The following TMEM50B variants were observed in gnomAD, a reference collection of about 807,000 sequenced individuals.
TMEM50B encodes transmembrane protein 50B, also known as HCV p7-trans-regulated protein 3.
A neutral mutation model predicts 23.4 loss-of-function variants in TMEM50B; 14 were observed. The ratio of observed to expected loss-of-function variants is 0.60; its 90% CI spans 0.39 to 0.93. TMEM50B has a LOEUF of 0.93. TMEM50B is among the 40% of genes least tolerant of loss of function. TMEM50B has a pLI of 0.00. For missense variants in TMEM50B, 159 were observed against 193.0 expected, an observed-to-expected ratio of 0.82 and a Z score of 1.04; for synonymous variants, 64 against 62.3, an observed-to-expected ratio of 1.03 and a Z score of -0.13.
chr21:33,455,819 T>C (rs930270430), intron 5 of TMEM50B, 35 bp from the exon 6 acceptor site: 31 of 1,512,530 alleles, frequency 2.0e-5, no homozygotes, highest in Non-Finnish European at 2.8e-5. Context: ...TAGACGGTTA[T>C]ATAGGCAAAC....
intron 5 of TMEM50B, 30 bp downstream of exon 5, chr21:33,460,383 C>T: frequency 7.3e-7 from 1 of 1,372,734 alleles, no homozygotes; most frequent in Non-Finnish European, 1.0e-6. Context: ...TGAATCTCTC[C>T]TATAAAATAC....
chr21:33,462,267 C>A (rs1457919943), intron 4 of TMEM50B, among the ~76,000 whole-genome samples: 1 of 152,094 alleles, frequency 6.6e-6, no homozygotes, highest in Non-Finnish European at 1.5e-5. Context: ...AATACCTGGG[C>A]ATGACTATAA....
chr21:33,434,670 TAGC>T (rs1448376937), intron 8 of TMEM50B, among the ~76,000 whole-genome samples: 2 of 152,138 alleles, frequency 1.3e-5, no homozygotes, highest in African/African-American at 2.4e-5. Flanking sequence ...TGCAGAAACA[TAGC>T]AGCACTTTCA....
chr21:33,434,246 G>A (rs2083920703), intron 8 of TMEM50B, among the ~76,000 whole-genome samples: 1 of 152,178 alleles, frequency 6.6e-6, no homozygotes, highest in South Asian at 2.1e-4. Context: ...TTGCAGCCGG[G>A]CGCAGTGACC....
intron 1 of TMEM50B, among the ~76,000 whole-genome samples, chr21:33,471,987 G>C (rs1480349338): frequency 6.7e-6 from 1 of 149,532 alleles, no homozygotes; most frequent in African/African-American, 2.5e-5. Flanking sequence ...AGCCGAGATG[G>C]CACCACTGCA....
intron 6 of TMEM50B, among the ~76,000 whole-genome samples, chr21:33,451,953 T>C (rs1162916893): frequency 1.3e-5 from 2 of 152,106 alleles, no homozygotes; most frequent in Non-Finnish European, 2.9e-5. Context: ...CCCCAGAGCT[T>C]AGAACAGGTC....
At chr21:33,477,857 C>T (rs2084388369) in intron 1 of TMEM50B, among the ~76,000 whole-genome samples, 2 of 145,432 alleles carry the variant, frequency 1.4e-5, no homozygotes, top group Admixed American at 6.9e-5. Context: ...AACTTTAGGC[C>T]GGGCACAGTG....
At chr21:33,459,653 G>A (rs1403277486) in intron 5 of TMEM50B, among the ~76,000 whole-genome samples, 4 of 135,898 alleles carry the variant, frequency 2.9e-5, no homozygotes, top group Non-Finnish European at 6.2e-5. Flanking sequence ...GGGTGACAGA[G>A]TGAGACTCCG....
chr21:33,439,405 A>T (rs987289287), intron 7 of TMEM50B: 1 of 151,776 alleles, frequency 6.6e-6, no homozygotes, highest in Non-Finnish European at 1.5e-5. Flanking sequence ...TTAGAGACAC[A>T]GTCTCACCCT....
At chr21:33,446,246 TA>T (rs143313810), downstream of TMEM50B, among the ~76,000 whole-genome samples, 27,028 of 137,780 alleles carry the variant, frequency 0.2, 2,978 homozygotes, top group Non-Finnish European at 0.26. Context: ...TTTTATTTTT[TA>T]TTTTTTTTTG....
chr21:33,457,832 C>T (rs1209390956), intron 5 of TMEM50B, among the ~76,000 whole-genome samples: 1 of 152,102 alleles, frequency 6.6e-6, no homozygotes, highest in Non-Finnish European at 1.5e-5. Context: ...TATCTCCCTA[C>T]TCTGAGTTCC....
chr21:33,458,251 C>T (rs750120584), intron 5 of TMEM50B, among the ~76,000 whole-genome samples: 6 of 152,136 alleles, frequency 3.9e-5, no homozygotes, highest in Admixed American at 2.0e-4. Context: ...CAGTGGCTCA[C>T]GCCTGTAATA....
intron 8 of TMEM50B, among the ~76,000 whole-genome samples, chr21:33,438,731 CTTTT>C (rs200509447): frequency 6.8e-6 from 1 of 147,884 alleles, no homozygotes; most frequent in African/African-American, 2.5e-5. Flanking sequence ...AAGAAAGTGG[CTTTT>C]TTTTTTTCTT....
intron 7 of TMEM50B, among the ~76,000 whole-genome samples, chr21:33,443,569 A>C (rs532399927): frequency 2.6e-5 from 4 of 152,258 alleles, no homozygotes; most frequent in Non-Finnish European, 5.9e-5. Context: ...GAGACACTGC[A>C]GGGATATGAC....
intron 6 of TMEM50B, 103 bp from the exon 7 acceptor site, chr21:33,450,966 T>A (rs141492268): frequency 9.6e-6 from 9 of 933,142 alleles, no homozygotes; most frequent in Non-Finnish European, 1.3e-5. Context: ...CTGATTCCTA[T>A]CAATTTTAAA....
rs2084102888 is a variant in TMEM50B at position 33,450,004 on chromosome 21, G to C, written c.*814C>G. The C allele has an allele frequency of 6.6e-6, 1 of 152,154 alleles. No homozygotes were observed. Among genetic ancestry groups the C allele is most frequent in the Admixed American group, 6.6e-5 (1 of 15,244 alleles). The allele number at this position is 152,154 out of a possible 1,614,324, so 9.4% of individuals were successfully genotyped here. A position where few individuals can be genotyped will look rare whatever the true frequency, so the allele number is the denominator to read the frequency against. On this transcript the variant is annotated 3_prime_UTR_variant, in exon 7 of 7. Coordinates refer to ENST00000542230, the MANE Select transcript of TMEM50B (RefSeq NM_006134.7). The stretch of plus-strand genomic sequence containing the variant: ...AAAGAAGCTTTCAAACTAGTCCTTT[G>C]GGCATTTAAAAAATCATTATATAAA...
intron 2 of TMEM50B, chr21:33,468,424 G>A (rs2084284216): frequency 1.1e-5 from 2 of 183,766 alleles, no homozygotes; most frequent in South Asian, 1.2e-4. Context: ...TACTGTCACT[G>A]TTGTCTGACC....
At chr21:33,479,351 C>T (rs922636106) in intron 1 of TMEM50B, 4 of 152,446 alleles carry the variant, frequency 2.6e-5, no homozygotes, top group Admixed American at 6.5e-5. Context: ...AAAACACAGG[C>T]TCCTAGCAAT....
chr21:33,444,803 CAAAAAA>C (rs60816843), downstream of TMEM50B, among the ~76,000 whole-genome samples: 75 of 96,304 alleles, frequency 7.8e-4, 3 homozygotes, highest in East Asian at 0.021. Flanking sequence ...CATCTCTTTA[CAAAAAA>C]AAAAAAAAAA....
Sources: gnomAD v4.1 joint callset for allele counts (sites outside exome capture counted in the v4.1 genomes callset) on GRCh38, gnomAD v4.1.1 for gene constraint, MANE v1.5 for transcripts, NCBI Gene and HGNC (gene_info 2026-07-23, HGNC 2026-07-21) for gene names.